The following ANKFN1 variants were observed in gnomAD, a reference collection of about 807,000 sequenced individuals.
ANKFN1 encodes ankyrin repeat and fibronectin type-III domain-containing protein 1.
ANKFN1 carries 74 observed loss-of-function variants against 108.7 expected under a neutral mutation model. The observed-to-expected ratio is 0.68, with a 90% confidence interval of 0.56 to 0.83. The LOEUF (loss-of-function observed/expected upper bound fraction) is 0.83. Among genes scored for constraint, ANKFN1 ranks in the 40% least tolerant of loss-of-function variants. ANKFN1 has a pLI of 0.00. For synonymous variants in ANKFN1, 547 were observed against 516.2 expected (o/e 1.06, Z -0.81); for missense variants, 1,505 against 1,382.3 (o/e 1.09, Z -1.41).
chr17:56,383,041 A>C (rs1348194761), intron 8 of ANKFN1, among the ~76,000 whole-genome samples: 1 of 152,156 alleles, frequency 6.6e-6, no homozygotes, highest in Non-Finnish European at 1.5e-5. Flanking sequence ...CTTCAGCACC[A>C]CACCACACCT....
chr17:56,134,013 G>A (rs983856226), intron 4 of ANKFN1, among the ~76,000 whole-genome samples: 5 of 152,110 alleles, frequency 3.3e-5, no homozygotes, highest in Admixed American at 2.0e-4. Context: ...GCAAGTAGTA[G>A]GATGTTACCT....
intron 1 of ANKFN1, among the ~76,000 whole-genome samples, chr17:56,209,992 G>A (rs896110086): frequency 3.3e-5 from 5 of 151,888 alleles, no homozygotes; most frequent in African/African-American, 1.2e-4. Context: ...TGCAAATGCC[G>A]TTAATTCATT....
At chr17:56,160,032 ATAGTCAGGGTACT>A (rs1909499247) in intron 1 of ANKFN1, among the ~76,000 whole-genome samples, 1 of 152,184 alleles carries the variant, frequency 6.6e-6, no homozygotes, top group Non-Finnish European at 1.5e-5. Flanking sequence ...GCAGGGCAAA[ATAGTCAGGGTACT>A]TTGTCAAGGT....
At chr17:56,477,443 AGTT>A in intron 15 of ANKFN1, 42 bp from the exon 16 acceptor site, 2 of 1,492,170 alleles carry the variant, frequency 1.3e-6, no homozygotes, top group South Asian at 1.4e-5. Context: ...TTGCCCTTCG[AGTT>A]GTTTTCTTGT....
intron 8 of ANKFN1, among the ~76,000 whole-genome samples, chr17:56,409,093 T>C (rs576896463): frequency 6.0e-5 from 9 of 150,302 alleles, no homozygotes; most frequent in Non-Finnish European, 1.2e-4. Context: ...CCCAGCTAAT[T>C]TTTGTATTTT....
At chr17:56,408,477 C>T (rs146226942) in intron 8 of ANKFN1, among the ~76,000 whole-genome samples, 14 of 151,978 alleles carry the variant, frequency 9.2e-5, no homozygotes, top group Non-Finnish European at 1.6e-4. Context: ...AAATGGTGGA[C>T]GCTCTTATGC....
intron 1 of ANKFN1, among the ~76,000 whole-genome samples, chr17:56,169,041 G>A (rs894142083): frequency 1.3e-5 from 2 of 152,150 alleles, no homozygotes; most frequent in South Asian, 4.1e-4. Context: ...AAGGCAGGGG[G>A]AGTTTGGAGA....
At chr17:56,301,257 C>T (rs374492430) in intron 3 of ANKFN1, among the ~76,000 whole-genome samples, 18 of 152,204 alleles carry the variant, frequency 1.2e-4, no homozygotes, top group Admixed American at 4.6e-4. Flanking sequence ...GCCATGTCAC[C>T]TCTTCCACCC....
At chr17:56,480,092 TAAG>T (rs1380165524) in intron 16 of ANKFN1, among the ~76,000 whole-genome samples, 1 of 152,230 alleles carries the variant, frequency 6.6e-6, no homozygotes, top group African/African-American at 2.4e-5. Flanking sequence ...TACTGGTTTG[TAAG>T]GAGGATGGAA....
intron 8 of ANKFN1, among the ~76,000 whole-genome samples, chr17:56,409,139 G>C (rs556036094): frequency 6.6e-6 from 1 of 151,992 alleles, no homozygotes; most frequent in African/African-American, 2.4e-5. Context: ...TGGCCAGGCT[G>C]GTCTCGAACT....
At position 56,307,052 on chromosome 17, in the gene ANKFN1, C is replaced by T. The variant is rs577447920; in HGVS notation, c.54-19169C>T. ...GTAGAAAGCTGAAACTGGATCCCTT[C>T]CTTACACCTTATACAAAAATTAATT... On this transcript the variant is annotated intron_variant, in intron 3 of 20. Coordinates refer to ENST00000682825, the MANE Select transcript of ANKFN1 (RefSeq NM_001370326.1). Among the ~76,000 whole-genome samples the T allele has an allele frequency of 3.3e-5, 5 of 152,268 alleles. No homozygotes were observed. The South Asian group carries it at 1.0e-3, about 32-fold the overall frequency.
intron 10 of ANKFN1, among the ~76,000 whole-genome samples, chr17:56,446,921 C>A (rs9912032): frequency 6.7e-6 from 1 of 149,342 alleles, no homozygotes; most frequent in Admixed American, 6.6e-5. Flanking sequence ...AAAACAAAAA[C>A]AAAAACCTCA....
intron 15 of ANKFN1, among the ~76,000 whole-genome samples, chr17:56,470,034 T>C (rs112805615): frequency 0.063 from 9,650 of 152,208 alleles, 1,040 homozygotes; most frequent in African/African-American, 0.22. Context: ...TGAGAACACA[T>C]AGTGTTTGGT....
chr17:56,275,927 A>G (rs890456350), intron 3 of ANKFN1, among the ~76,000 whole-genome samples: 1 of 152,186 alleles, frequency 6.6e-6, no homozygotes. Context: ...TTTGTTACAT[A>G]GGTATACATG....
At chr17:56,164,660 C>T (rs778338089) in intron 1 of ANKFN1, among the ~76,000 whole-genome samples, 5 of 152,174 alleles carry the variant, frequency 3.3e-5, no homozygotes, top group Non-Finnish European at 5.9e-5. Flanking sequence ...CTTTTTAACA[C>T]AGTCAAATGC....
chr17:56,090,074 G>C (rs975535048), intron 4 of ANKFN1, among the ~76,000 whole-genome samples: 2 of 151,330 alleles, frequency 1.3e-5, no homozygotes. Flanking sequence ...ATGGGGCTGC[G>C]AGGGAAGAAC....
At chr17:56,124,671 T>C (rs1185557663) in intron 4 of ANKFN1, among the ~76,000 whole-genome samples, 1 of 152,204 alleles carries the variant, frequency 6.6e-6, no homozygotes, top group East Asian at 1.9e-4. Context: ...ATTACTTTTC[T>C]TGGACTAGCC....
At chr17:56,423,777 C>T (rs549902034) in intron 8 of ANKFN1, among the ~76,000 whole-genome samples, 1 of 152,298 alleles carries the variant, frequency 6.6e-6, no homozygotes, top group African/African-American at 2.4e-5. Flanking sequence ...TGCTCATGTG[C>T]CTGTTATAGG....
At chr17:56,271,513 A>G (rs909380563) in intron 3 of ANKFN1, among the ~76,000 whole-genome samples, 1 of 152,196 alleles carries the variant, frequency 6.6e-6, no homozygotes, top group African/African-American at 2.4e-5. Flanking sequence ...AGGGAAATAA[A>G]TGTCTCCTGG....
Sources: allele counts gnomAD v4.1 joint callset (sites outside exome capture counted in the v4.1 genomes callset), GRCh38; gene constraint gnomAD v4.1.1; transcripts MANE v1.5; gene names NCBI Gene and HGNC (gene_info 2026-07-23, HGNC 2026-07-21).